Variants in OR2T8 observed in about 807,000 individuals in gnomAD.
OR2T8 encodes olfactory receptor family 2 subfamily T member 8, also known as olfactory receptor 2T8.
For missense variants in OR2T8, 161 were observed against 389.4 expected, an observed-to-expected ratio of 0.41 and a Z score of 4.94; for synonymous variants, 56 against 154.3, an observed-to-expected ratio of 0.36 and a Z score of 4.72.
chr1:247,922,332 T>C lies in OR2T8; in HGVS notation c.*376T>C, dbSNP rs1660034596. On this transcript the variant is annotated 3_prime_UTR_variant, in exon 2 of 2. Coordinates refer to ENST00000641945, the MANE Select transcript of OR2T8 (RefSeq NM_001005522.2). ...GAATGCTCGCATTTAAGATGTTCCT[T>C]TTCAACTAATTTCCACAAATATCTA... Among the ~76,000 whole-genome samples the C allele has an allele frequency of 6.6e-6, 1 of 152,170 alleles. No homozygotes were observed. Among genetic ancestry groups the C allele is most frequent in the Non-Finnish European group, 1.5e-5 (1 of 68,020 alleles).
Position 247,922,732 on chromosome 1 carries a change from A to G in OR2T8, c.*776A>G, listed in dbSNP as rs926695752. Among the ~76,000 whole-genome samples the G allele has an allele frequency of 6.6e-6, 1 of 152,092 alleles. No homozygotes were observed. The highest frequency in any genetic ancestry group is 6.5e-5 in the Admixed American group (1 of 15,270). Reference sequence around the variant, plus strand: ...AGTTCTGGTGACTGAAATGTATGTTAATCTCCTATTTGTAATCATATGTTT... The same window carrying G: ...AGTTCTGGTGACTGAAATGTATGTTGATCTCCTATTTGTAATCATATGTTT... On this transcript the variant is annotated 3_prime_UTR_variant, in exon 2 of 2. Coordinates refer to ENST00000641945, the MANE Select transcript of OR2T8 (RefSeq NM_001005522.2).
intron 1 of OR2T8, 88 bp from the exon 2 acceptor site, chr1:247,920,910 C>A: frequency 1.0e-6 from 1 of 972,788 alleles, no homozygotes; most frequent in South Asian, 1.7e-5. Context: ...ATCGCTTTCA[C>A]ACAAGTACTT....
chr1:247,922,482 G>C lies in OR2T8; in HGVS notation c.*526G>C, dbSNP rs4925775. 1.3e-5 allele frequency among the ~76,000 whole-genome samples: 2 copies of C among 152,014 alleles called. No homozygotes were observed. The highest frequency in any genetic ancestry group is 2.9e-5 in the Non-Finnish European group (2 of 67,996). On this transcript the variant is annotated 3_prime_UTR_variant, in exon 2 of 2. Coordinates refer to ENST00000641945, the MANE Select transcript of OR2T8 (RefSeq NM_001005522.2). ...ACTGCTCTAATTTTTATCTCTGTTC[G>C]TTAGTTTGGGCTATTCTAAAATTTC... is the stretch of plus-strand genomic sequence containing the variant.
Position 247,921,075 on chromosome 1 carries a change from A to G in OR2T8, c.58A>G (p.Arg20Gly). The G allele has an allele frequency of 1.2e-6, 2 of 1,611,424 alleles. No individual in the cohort carries two copies. Among genetic ancestry groups the G allele is most frequent in the Non-Finnish European group, 1.7e-6 (2 of 1,178,630 alleles). Residue 20 changes from arginine (R) to glycine (G), a missense_variant, in exon 2 of 2, where the codon AGA becomes GGA. By Grantham distance (125) the Arg-to-Gly change is moderately radical. Coordinates refer to ENST00000641945, the MANE Select transcript of OR2T8 (RefSeq NM_001005522.2). ...TCTCCTAGGACTCTTTAACCACACCAGAGCCCACCAAGTCCTCTTCATGAT... is the reference window on the plus strand; with the variant it reads ...TCTCCTAGGACTCTTTAACCACACCGGAGCCCACCAAGTCCTCTTCATGAT... ...FILLGLFNHT[R>G]AHQVLFMMVL...
chr1:247,921,990 C>T lies in OR2T8; in HGVS notation c.*34C>T. 4 of 1,595,582 alleles carry T rather than the reference C, an allele frequency of 2.5e-6. No individual in the cohort carries two copies. Among genetic ancestry groups the T allele is most frequent in the Non-Finnish European group, 2.6e-6 (3 of 1,167,572 alleles). On this transcript the variant is annotated 3_prime_UTR_variant, in exon 2 of 2. Transcript: ENST00000641945. ...ATTTGCCCCAACATTCAAAACTGTG[C>T]AAAGTGTTTGTGTGGAATTTCCTAG...
Position 247,922,963 on chromosome 1 carries a change from C to T in OR2T8, c.*1007C>T, listed in dbSNP as rs1215057776. On this transcript the variant is annotated 3_prime_UTR_variant, in exon 2 of 2. Transcript: ENST00000641945. ...TTCCTGATGACTAATAATGTTGAGG[C>T]CTCTTGCGTTAGCTTATTATCTATT... Among the ~76,000 whole-genome samples the T allele has an allele frequency of 2.0e-5, 3 of 152,108 alleles. No homozygotes were observed. In the South Asian group the frequency reaches 6.2e-4, roughly 32 times the overall value.
Position 247,921,079 on chromosome 1 carries a change from CCCA to C in OR2T8, c.66_68del (p.His22del), listed in dbSNP as rs751337782. 39 of 1,611,064 alleles carry C rather than the reference CCCA, an allele frequency of 2.4e-5. No individual in the cohort carries two copies. The highest frequency in any genetic ancestry group is 3.2e-5 in the Non-Finnish European group (38 of 1,178,438). The stretch of plus-strand genomic sequence containing the variant: ...CTAGGACTCTTTAACCACACCAGAG[CCCA>C]CCAAGTCCTCTTCATGATGGTTCTG... On this transcript the variant is annotated inframe_deletion, in exon 2 of 2. Transcript: ENST00000641945.
At position 247,921,954 on chromosome 1, in the gene OR2T8, T is replaced by G; in HGVS notation, c.937T>G (p.Ter313GluextTer68). Residue 313 changes from the stop codon to glutamate, a stop_lost, in exon 2 of 2, where the codon TAA (stop) becomes GAA (glutamate). Transcript: ENST00000641945. ...TCGGTGTGTGGCCTTAAGTCGTGAA[T>G]AAGACTATATATTTGCCCCAACATT... ...MGRCVALSRE[*>E] 6.2e-7 allele frequency: 1 copy of G among 1,612,802 alleles called. No homozygotes were observed. Among genetic ancestry groups the G allele is most frequent in the Non-Finnish European group, 8.5e-7 (1 of 1,179,272 alleles).
rs764162392 is a variant in OR2T8 at position 247,922,807 on chromosome 1, A to G, written c.*851A>G. 1.6e-4 allele frequency among the ~76,000 whole-genome samples: 24 copies of G among 152,114 alleles called. No individual in the cohort carries two copies. Among genetic ancestry groups the G allele is most frequent in the Non-Finnish European group, 3.2e-4 (22 of 68,012 alleles). The stretch of plus-strand genomic sequence containing the variant: ...TGAACTCTTCAGTAAACTGTTTTCA[A>G]AGTGGTTGTTTACTCTTATACTGCC... On this transcript the variant is annotated 3_prime_UTR_variant, in exon 2 of 2. Coordinates refer to ENST00000641945, the MANE Select transcript of OR2T8 (RefSeq NM_001005522.2).
Position 247,922,696 on chromosome 1 carries a change from T to A in OR2T8, c.*740T>A, listed in dbSNP as rs1461214076. On this transcript the variant is annotated 3_prime_UTR_variant, in exon 2 of 2. Coordinates refer to ENST00000641945, the MANE Select transcript of OR2T8 (RefSeq NM_001005522.2). Reference sequence around the variant, plus strand: ...TTTTGCTGATGGACATCTGGGCTATTTTCAGTTTGAAGTTCTGGTGACTGA... The same window carrying A: ...TTTTGCTGATGGACATCTGGGCTATATTCAGTTTGAAGTTCTGGTGACTGA... 6.6e-6 allele frequency among the ~76,000 whole-genome samples: 1 copy of A among 152,222 alleles called. No individual in the cohort carries two copies. Among genetic ancestry groups the A allele is most frequent in the Admixed American group, 6.5e-5 (1 of 15,284 alleles).
chr1:247,921,953 A>G lies in OR2T8; in HGVS notation c.936A>G (p.Glu312=). 2.5e-6 allele frequency: 4 copies of G among 1,612,820 alleles called. No individual in the cohort carries two copies. Among genetic ancestry groups the G allele is most frequent in the Non-Finnish European group, 1.7e-6 (2 of 1,179,284 alleles). The change falls in exon 2 of 2, where the codon GAA becomes GAG. Residue 312 remains glutamate (E), a synonymous_variant. Coordinates refer to ENST00000641945, the MANE Select transcript of OR2T8 (RefSeq NM_001005522.2). The part of the protein sequence containing the change: ...CMGRCVALSR[E] ...GTCGGTGTGTGGCCTTAAGTCGTGA[A>G]TAAGACTATATATTTGCCCCAACAT...
chr1:247,920,767 T>C (rs1659996838), intron 1 of OR2T8, among the ~76,000 whole-genome samples: 1 of 152,260 alleles, frequency 6.6e-6, no homozygotes, highest in South Asian at 2.1e-4. Flanking sequence ...GGATTTGTGA[T>C]ATAAAATTAA....
In OR2T8 at chr1:247,921,962, T is replaced by C; in HGVS notation, c.*6T>C. 1 of 1,611,668 alleles carries C rather than the reference T, an allele frequency of 6.2e-7. No homozygotes were observed. The highest frequency in any genetic ancestry group is 8.5e-7 in the Non-Finnish European group (1 of 1,178,534). ...TGGCCTTAAGTCGTGAATAAGACTA[T>C]ATATTTGCCCCAACATTCAAAACTG... On this transcript the variant is annotated 3_prime_UTR_variant, in exon 2 of 2. Coordinates refer to ENST00000641945, the MANE Select transcript of OR2T8 (RefSeq NM_001005522.2).
chr1:247,920,862 T>C (rs1051537423), intron 1 of OR2T8, 136 bp from the exon 2 acceptor site: 8 of 635,976 alleles, frequency 1.3e-5, no homozygotes, highest in African/African-American at 3.7e-5. Context: ...AATTAGAACA[T>C]TTTGCAAGTG....
At position 247,921,015 on chromosome 1, in the gene OR2T8, A is replaced by G. The variant is rs1400997625; in HGVS notation, c.-3A>G. On this transcript the variant is annotated 5_prime_UTR_variant, in exon 2 of 2. Coordinates refer to ENST00000641945, the MANE Select transcript of OR2T8 (RefSeq NM_001005522.2). ...ATTTGCAGTGTCACTCTTATTTGAA[A>G]TCATGGAAAATGGGAGCTATACCTC... is the stretch of plus-strand genomic sequence containing the variant. The G allele has an allele frequency of 6.3e-7, 1 of 1,592,810 alleles. No individual in the cohort carries two copies. The highest frequency in any genetic ancestry group is 1.3e-5 in the African/African-American group (1 of 74,426).
chr1:247,922,039 T>A lies in OR2T8; in HGVS notation c.*83T>A, dbSNP rs4925773. ...AGAAATAAGGAATATACACTTTTAT[T>A]TCTACATCTGTTGTCTCTGTGTGTG... On this transcript the variant is annotated 3_prime_UTR_variant, in exon 2 of 2. Transcript: ENST00000641945. The A allele has an allele frequency of 0.74, 1,019,761 of 1,378,032 alleles. 382,681 individuals are homozygous for A. Among genetic ancestry groups the A allele is most frequent in the Non-Finnish European group, 0.77 (770,558 of 995,272 alleles). 85.4% of individuals were successfully genotyped at this position (1,378,032 alleles called of 1,614,324 possible).
At chr1:247,920,732 G>A (rs1037326745) in intron 1 of OR2T8, among the ~76,000 whole-genome samples, 4 of 152,118 alleles carry the variant, frequency 2.6e-5, no homozygotes, top group Admixed American at 6.5e-5. Flanking sequence ...ATTCTGACAG[G>A]TTACTTGCAA....
Position 247,922,071 on chromosome 1 carries a change from T to C in OR2T8, c.*115T>C. 1.8e-6 allele frequency: 2 copies of C among 1,116,298 alleles called. No individual in the cohort carries two copies. The highest frequency in any genetic ancestry group is 2.5e-6 in the Non-Finnish European group (2 of 786,158). 69.1% of individuals were successfully genotyped at this position (1,116,298 alleles called of 1,614,324 possible). A position where few individuals can be genotyped will look rare whatever the true frequency, so the allele number is the denominator to read the frequency against. On this transcript the variant is annotated 3_prime_UTR_variant, in exon 2 of 2. Transcript: ENST00000641945. ...TCTGTTGTCTCTGTGTGTGTGTGTG[T>C]TTGTGTGTTGCTTTGAATTGCAGAT...
rs1660040979 is a variant in OR2T8 at position 247,922,756 on chromosome 1, T to G, written c.*800T>G. Among the ~76,000 whole-genome samples, 1 of 152,204 alleles carries G rather than the reference T, an allele frequency of 6.6e-6. No homozygotes were observed. On this transcript the variant is annotated 3_prime_UTR_variant, in exon 2 of 2. Coordinates refer to ENST00000641945, the MANE Select transcript of OR2T8 (RefSeq NM_001005522.2). ...TAATCTCCTATTTGTAATCATATGT[T>G]TTTATTTTTCTTGGTAGGTGTCTGG...
Sources: allele counts gnomAD v4.1 joint callset (sites outside exome capture counted in the v4.1 genomes callset), GRCh38; gene constraint gnomAD v4.1.1; transcripts MANE v1.5; gene names NCBI Gene and HGNC (gene_info 2026-07-23, HGNC 2026-07-21).